The following RNPS1 variants were observed in gnomAD, a reference collection of about 807,000 sequenced individuals.
RNPS1 encodes RNA-binding protein with serine-rich domain 1.
For missense variants in RNPS1, 300 were observed against 427.6 expected (o/e 0.70, Z 2.63); for synonymous variants, 147 against 150.0 (o/e 0.98, Z 0.15).
At chr16:2,257,125 G>A (rs1028868910) in intron 6 of RNPS1, 6 of 152,248 alleles carry the variant, frequency 3.9e-5, no homozygotes, top group Admixed American at 3.9e-4. Context: ...GAGGCAGTGT[G>A]GGATGTGGGC....
intron 1 of RNPS1, chr16:2,266,356 A>T (rs1467928321): frequency 1.0e-6 from 1 of 985,296 alleles, no homozygotes; most frequent in Non-Finnish European, 1.2e-6. Context: ...CCCAGCAGAT[A>T]GTGCCTCGAC....
intron 1 of RNPS1, 135 bp downstream of exon 1, chr16:2,267,920 T>A: frequency 6.5e-7 from 1 of 1,530,430 alleles, no homozygotes; most frequent in Non-Finnish European, 8.7e-7. Context: ...CTCTTTCTTC[T>A]CGGAGCCCGC....
At chr16:2,257,607 G>C (rs1165103666) in intron 6 of RNPS1, 5 of 152,018 alleles carry the variant, frequency 3.3e-5, no homozygotes. Context: ...AGGTACCCGG[G>C]TCCCCTGGGT....
At chr16:2,267,538 G>C (rs2093629953) in intron 1 of RNPS1, 1 of 1,029,940 alleles carries the variant, frequency 9.7e-7, no homozygotes, top group Non-Finnish European at 1.2e-6. Context: ...CGGAGTACAC[G>C]TTTGAATTAA....
In RNPS1 at chr16:2,268,069, G is replaced by GCCA. The variant is rs1567331529; in HGVS notation, c.-135_-133dup. 1 of 1,535,172 alleles carries GCCA rather than the reference G, an allele frequency of 6.5e-7. No homozygotes were observed. Among genetic ancestry groups the GCCA allele is most frequent in the South Asian group, 1.2e-5 (1 of 84,042 alleles). On this transcript the variant is annotated 5_prime_UTR_variant, in exon 1 of 8. Transcript: ENST00000320225. ...CCCCAACTTACATCTTCCCGCCGCC[G>GCCA]CCACCTCCTCCTGCTTTCCTCAGCC... is the stretch of plus-strand genomic sequence containing the variant.
chr16:2,259,437 T>G (rs1001347031), intron 6 of RNPS1, among the ~76,000 whole-genome samples: 1 of 152,242 alleles, frequency 6.6e-6, no homozygotes, highest in Non-Finnish European at 1.5e-5. Context: ...CTAAAACCTT[T>G]TTGTCATCCA....
At chr16:2,266,019 G>C (rs2093623752) in intron 1 of RNPS1, 1 of 720,334 alleles carries the variant, frequency 1.4e-6, no homozygotes, top group African/African-American at 1.9e-5. Context: ...AGGGACTTCT[G>C]CCTTCAGTAT....
chr16:2,262,341 A>G lies in RNPS1; in HGVS notation c.613T>C (p.Tyr205His), dbSNP rs1302707991. The change falls in exon 6 of 8, where the codon TAT (tyrosine) becomes CAT (histidine). Residue 205 changes from tyrosine (Y) to histidine (H), a missense_variant. Physicochemically the swap from Tyr to His is moderately conservative, Grantham distance 83 (BLOSUM62 2). Coordinates refer to ENST00000320225, the MANE Select transcript of RNPS1 (RefSeq NM_080594.4). ...GGATTCTCAAACTCTACGTACGCAT[A>G]GCCTTTGGACAGATGGGGATGCATC... is the stretch of plus-strand genomic sequence containing the variant. ...ERMHPHLSKG[Y>H]AYVEFENPDE... 6.2e-7 allele frequency: 1 copy of G among 1,614,106 alleles called. No individual in the cohort carries two copies. The highest frequency in any genetic ancestry group is 1.1e-5 in the South Asian group (1 of 91,072).
intron 6 of RNPS1, among the ~76,000 whole-genome samples, chr16:2,260,460 G>A (rs2093598553): frequency 6.6e-6 from 1 of 152,086 alleles, no homozygotes; most frequent in Non-Finnish European, 1.5e-5. Flanking sequence ...TTGCGTAAGT[G>A]CAATAAAAAT....
chr16:2,267,205 T>C (rs2141597007), intron 1 of RNPS1: 1 of 985,410 alleles, frequency 1.0e-6, no homozygotes, highest in Admixed American at 6.1e-5. Flanking sequence ...AGGACCTCGG[T>C]TACCTCCCCC....
At chr16:2,259,373 T>C (rs1348018460) in intron 6 of RNPS1, among the ~76,000 whole-genome samples, 2 of 152,252 alleles carry the variant, frequency 1.3e-5, no homozygotes, top group Admixed American at 6.5e-5. Flanking sequence ...GTTAAATTAT[T>C]GTGTGCCACA....
chr16:2,266,899 T>C (rs922932625), intron 1 of RNPS1: 7 of 224,296 alleles, frequency 3.1e-5, no homozygotes, highest in East Asian at 1.8e-4. Flanking sequence ...GTGTGTGTTT[T>C]AATATTTCAG....
chr16:2,262,094 G>C, intron 6 of RNPS1, 184 bp downstream of exon 6: 2 of 505,492 alleles, frequency 4.0e-6, no homozygotes, highest in South Asian at 3.8e-5. Context: ...CTTGTTATTG[G>C]GCCATGAGAA....
chr16:2,257,615 G>A (rs2093584747), intron 6 of RNPS1: 1 of 151,952 alleles, frequency 6.6e-6, no homozygotes, highest in Non-Finnish European at 1.5e-5. Flanking sequence ...GGGTCCCCTG[G>A]GTTTTTAGCT....
In RNPS1 at chr16:2,262,957, T is replaced by C; in HGVS notation, c.420-115A>G. The C allele has an allele frequency of 2.3e-6, 3 of 1,302,846 alleles. No homozygotes were observed. In the South Asian group the frequency reaches 4.0e-5, roughly 17 times the overall value. The allele number at this position is 1,302,846 out of a possible 1,614,324, so 80.7% of individuals were successfully genotyped here. On this transcript the variant is annotated intron_variant, in intron 4 of 7. Coordinates refer to ENST00000320225, the MANE Select transcript of RNPS1 (RefSeq NM_080594.4). The stretch of plus-strand genomic sequence containing the variant: ...ACAGTTTTCATAAGGAAGACTTTCC[T>C]GCTAGTTCACATACATTATTCCTGT...
intron 1 of RNPS1, chr16:2,266,245 T>C (rs921312794): frequency 1.4e-5 from 14 of 985,368 alleles, no homozygotes; most frequent in South Asian, 9.4e-5. Context: ...GCACCTGGCT[T>C]TGAACAGTCA....
chr16:2,264,227 C>T lies in RNPS1; in HGVS notation c.176G>A (p.Arg59Gln), dbSNP rs374469152. 3.2e-5 allele frequency: 52 copies of T among 1,613,978 alleles called. No homozygotes were observed. Among genetic ancestry groups the T allele is most frequent in the Non-Finnish European group, 4.2e-5 (49 of 1,180,030 alleles). Residue 59 changes from arginine (R) to glutamine (Q), a missense_variant, in exon 3 of 8, where the codon CGG becomes CAG. By Grantham distance (43) the Arg-to-Gln change is conservative. Transcript: ENST00000320225. ...GCTGCGCCTCTTTCGGGTTTTGTCCCGGCCGCGATCCTTCTCACTCGACTC... is the reference window on the plus strand; with the variant it reads ...GCTGCGCCTCTTTCGGGTTTTGTCCTGGCCGCGATCCTTCTCACTCGACTC... ...TKESSEKDRG[R>Q]DKTRKRRSAS...
At chr16:2,254,663 C>T (rs1426789678) in intron 7 of RNPS1, among the ~76,000 whole-genome samples, 1 of 151,692 alleles carries the variant, frequency 6.6e-6, no homozygotes, top group African/African-American at 2.4e-5. Flanking sequence ...GACCTCCTGA[C>T]CTTGTGATCC....
chr16:2,263,062 T>C lies in RNPS1; in HGVS notation c.419+34A>G, dbSNP rs536351923. The C allele has an allele frequency of 5.6e-6, 9 of 1,602,308 alleles. No individual in the cohort carries two copies. The African/African-American group carries it at 6.7e-5, about 12-fold the overall frequency. On this transcript the variant is annotated intron_variant, in intron 4 of 7. Coordinates refer to ENST00000320225, the MANE Select transcript of RNPS1 (RefSeq NM_080594.4). ...GATGGTAAATCTGTAGCCCCGAGCT[T>C]GTAAACTTTAGCTCCCAGGCGCAGG...
Sources: gnomAD v4.1 joint callset for allele counts (sites outside exome capture counted in the v4.1 genomes callset) on GRCh38, gnomAD v4.1.1 for gene constraint, MANE v1.5 for transcripts, NCBI Gene and HGNC (gene_info 2026-07-23, HGNC 2026-07-21) for gene names.